Variants in SCLT1 observed in about 807,000 individuals in gnomAD.
SCLT1 encodes the protein sodium channel-associated protein 1.
SCLT1 carries 78 observed loss-of-function variants against 112.8 expected under a neutral mutation model. The observed-to-expected ratio is 0.69, with a 90% CI of 0.58 to 0.83. SCLT1 has a LOEUF of 0.83. Ranked by LOEUF, SCLT1 falls within the 40% of genes least tolerant of loss-of-function variation. The pLI is 0.00. For synonymous variants in SCLT1, 257 were observed against 254.7 expected (o/e 1.01, Z -0.09); for missense variants, 747 against 770.4 (o/e 0.97, Z 0.36).
rs191595674 is a variant in SCLT1, at chr4:128,933,264, C to T, written c.1829+3391G>A. Among the ~76,000 whole-genome samples the T allele has an allele frequency of 3.9e-4, 59 of 152,090 alleles. 1 individual carries two copies. The East Asian group carries it at 0.011, about 28-fold the overall frequency. ...AGGTAGAATAAACACTTGATTTTTC[C>T]TTTTATTCATTTTTTTCTTTTAGAA... On this transcript the variant is annotated intron_variant, in intron 18 of 20. Transcript: ENST00000281142.
Position 129,044,007 on chromosome 4 carries a change from T to C in SCLT1, c.147A>G (p.Leu49=), listed in dbSNP as rs1167807174. Residue 49 remains leucine (L), a synonymous_variant, in exon 3 of 21, where the codon CTA becomes CTG. Transcript: ENST00000281142. ...TAATACTTTACCTTTGGTCAAATAC[T>C]AGGTTTTCAAATGTGTCGTCTCCTT... The part of the protein sequence containing the change: ...QGEGDDTFEN[L]VFDQSFLAPL... 4 of 1,533,842 alleles carry C rather than the reference T, an allele frequency of 2.6e-6. No individual in the cohort carries two copies. Among genetic ancestry groups the C allele is most frequent in the Admixed American group, 3.5e-5 (2 of 56,686 alleles).
At chr4:129,026,634 A>C (rs971655057) in intron 5 of SCLT1, among the ~76,000 whole-genome samples, 35 of 152,200 alleles carry the variant, frequency 2.3e-4, no homozygotes, top group Admixed American at 1.2e-3. Flanking sequence ...CATCATAATT[A>C]AAAGAACTAG....
intron 14 of SCLT1, among the ~76,000 whole-genome samples, chr4:128,951,985 T>C (rs1233758453): frequency 6.6e-6 from 1 of 152,070 alleles, no homozygotes; most frequent in African/African-American, 2.4e-5. Flanking sequence ...CATTTAAAAA[T>C]ATACTCTGCA....
chr4:129,014,846 C>T (rs993054507), intron 5 of SCLT1, among the ~76,000 whole-genome samples: 1 of 152,204 alleles, frequency 6.6e-6, no homozygotes, highest in Admixed American at 6.5e-5. Flanking sequence ...GCTGGGGTGC[C>T]TGCCTCCCTG....
intron 9 of SCLT1, among the ~76,000 whole-genome samples, chr4:128,988,045 C>A (rs1445302337): frequency 6.6e-6 from 1 of 151,852 alleles, no homozygotes; most frequent in African/African-American, 2.4e-5. Flanking sequence ...AACACCGAAC[C>A]TGTCTTACAA....
chr4:128,952,595 A>G (rs1235436158), intron 14 of SCLT1, 174 bp downstream of exon 14: 7 of 613,778 alleles, frequency 1.1e-5, no homozygotes, highest in Admixed American at 2.8e-5. Context: ...CTGCTAGAAC[A>G]TAAGCCACAA....
chr4:128,944,040 T>C (rs1737933874), intron 16 of SCLT1, among the ~76,000 whole-genome samples: 1 of 152,166 alleles, frequency 6.6e-6, no homozygotes, highest in Non-Finnish European at 1.5e-5. Flanking sequence ...TTCTGTCCTA[T>C]TTTGGCATGC....
chr4:128,992,186 G>T lies in SCLT1; in HGVS notation c.667C>A (p.Gln223Lys). 6.3e-7 allele frequency: 1 copy of T among 1,592,860 alleles called. No individual in the cohort carries two copies. Among genetic ancestry groups the T allele is most frequent in the Non-Finnish European group, 8.6e-7 (1 of 1,168,212 alleles). Residue 223 changes from glutamine (Q) to lysine (K), a missense_variant, in exon 9 of 21, where the codon CAA (glutamine) becomes AAA (lysine). Physicochemically the swap from Gln to Lys is moderately conservative, Grantham distance 53. Transcript: ENST00000281142. ...AAATACCTAAGTTTTTTTCGGAGTTGTTCGATTATCACACTTTGTTCAGTT... is the reference window on the plus strand; with the variant it reads ...AAATACCTAAGTTTTTTTCGGAGTTTTTCGATTATCACACTTTGTTCAGTT... Reference protein sequence around the residue: ...TVTEQSVIIEQLRKKLRQAKL... With the variant: ...TVTEQSVIIEKLRKKLRQAKL...
At chr4:128,945,977 T>C in intron 16 of SCLT1, 30 bp downstream of exon 16, 1 of 1,514,666 alleles carries the variant, frequency 6.6e-7, no homozygotes, top group Non-Finnish European at 9.1e-7. Context: ...CTGAAGATGT[T>C]ATCATAGAAA....
chr4:128,953,628 A>T (rs1005256067), intron 13 of SCLT1, among the ~76,000 whole-genome samples: 1 of 151,326 alleles, frequency 6.6e-6, no homozygotes, highest in Non-Finnish European at 1.5e-5. Flanking sequence ...CTCCGTCTCT[A>T]TAAAAAAAAA....
chr4:128,891,337 C>T (rs549589257), intron 18 of SCLT1, among the ~76,000 whole-genome samples, 200 bp from the exon 19 acceptor site: 2 of 152,156 alleles, frequency 1.3e-5, no homozygotes, highest in South Asian at 4.1e-4. Context: ...AGATTAGTTG[C>T]ACAACAATGT....
intron 2 of SCLT1, among the ~76,000 whole-genome samples, chr4:129,051,755 A>G (rs58918931): frequency 0.018 from 2,703 of 152,220 alleles, 98 homozygotes; most frequent in African/African-American, 0.063. Context: ...AGAACTTCCA[A>G]TACTATGTTG....
chr4:129,010,463 T>C (rs1387146054), intron 5 of SCLT1, among the ~76,000 whole-genome samples: 1 of 152,222 alleles, frequency 6.6e-6, no homozygotes, highest in East Asian at 1.9e-4. Context: ...ATCTCAATGG[T>C]AGTTTAATAG....
downstream of SCLT1, among the ~76,000 whole-genome samples, chr4:128,883,037 T>C (rs1326320805): frequency 1.3e-5 from 2 of 151,356 alleles, no homozygotes; most frequent in East Asian, 1.9e-4. Flanking sequence ...TCCCAGCTAC[T>C]TGGGAGGCTG....
At chr4:128,900,225 C>T (rs999842285) in intron 18 of SCLT1, among the ~76,000 whole-genome samples, 2 of 152,206 alleles carry the variant, frequency 1.3e-5, no homozygotes, top group Non-Finnish European at 2.9e-5. Context: ...CCAAGTCAAT[C>T]CTAAGCCAAA....
chr4:128,965,482 T>A (rs1740099745), intron 10 of SCLT1, among the ~76,000 whole-genome samples, 164 bp from the exon 11 acceptor site: 1 of 152,202 alleles, frequency 6.6e-6, no homozygotes. Context: ...ATCATGTGTA[T>A]AATAAAAAGG....
intron 1 of SCLT1, among the ~76,000 whole-genome samples, chr4:129,087,287 T>C (rs1752477841): frequency 6.6e-6 from 1 of 152,180 alleles, no homozygotes; most frequent in Non-Finnish European, 1.5e-5. Flanking sequence ...GAAATTAAGT[T>C]TGTATTTTAA....
chr4:129,037,886 A>C (rs1747321951), intron 5 of SCLT1: 1 of 152,226 alleles, frequency 6.6e-6, no homozygotes, highest in Non-Finnish European at 1.5e-5. Flanking sequence ...AAAATGGTCA[A>C]CAATGGGAGG....
chr4:128,942,097 A>G (rs1484480601), intron 17 of SCLT1, among the ~76,000 whole-genome samples: 1 of 152,040 alleles, frequency 6.6e-6, no homozygotes, highest in Non-Finnish European at 1.5e-5. Context: ...TTGTTCTTCA[A>G]AGAACTCCCA....
Sources: allele counts gnomAD v4.1 joint callset (sites outside exome capture counted in the v4.1 genomes callset), GRCh38; gene constraint gnomAD v4.1.1; transcripts MANE v1.5; gene names NCBI Gene and HGNC (gene_info 2026-07-23, HGNC 2026-07-21).